Variants in DLG2 observed in about 807,000 individuals in gnomAD.
DLG2 encodes the protein disks large homolog 2.
DLG2 carries 45 observed loss-of-function variants against 132.5 expected under a neutral mutation model. The observed-to-expected ratio is 0.34, with a 90% CI of 0.27 to 0.44. The LOEUF (loss-of-function observed/expected upper bound fraction) is 0.44. DLG2 is among the 20% of genes least tolerant of loss of function. The pLI is 1.00. For synonymous variants in DLG2, 424 were observed against 419.6 expected (o/e 1.01, Z -0.13); for missense variants, 1,045 against 1,196.9 (o/e 0.87, Z 1.87).
intron 6 of DLG2, among the ~76,000 whole-genome samples, chr11:84,693,100 G>T (rs914756032): frequency 6.6e-6 from 1 of 151,654 alleles, no homozygotes; most frequent in Admixed American, 6.6e-5. Flanking sequence ...TTCTCAAATG[G>T]TCTGTGAATC....
chr11:84,674,528 A>G (rs1489930339), intron 6 of DLG2, among the ~76,000 whole-genome samples: 1 of 152,084 alleles, frequency 6.6e-6, no homozygotes, highest in African/African-American at 2.4e-5. Flanking sequence ...TTAGCTCCTT[A>G]TTAACTTATA....
At chr11:85,269,611 CT>C (rs1304753791) in intron 4 of DLG2, among the ~76,000 whole-genome samples, 3 of 152,176 alleles carry the variant, frequency 2.0e-5, no homozygotes, top group African/African-American at 7.2e-5. Context: ...ATGTAAGAAG[CT>C]TGGCATACTG....
chr11:85,609,014 G>T (rs1332568719), intron 2 of DLG2, among the ~76,000 whole-genome samples: 1 of 152,178 alleles, frequency 6.6e-6, no homozygotes, highest in Non-Finnish European at 1.5e-5. Flanking sequence ...GCCATCCCCA[G>T]TATGGATCCC....
rs962915280 is a variant in DLG2, at chr11:83,802,158, TA to T, written c.1723-15367del. 5.4e-5 allele frequency among the ~76,000 whole-genome samples: 8 copies of T among 149,434 alleles called. No homozygotes were observed. The South Asian group carries it at 8.5e-4, about 16-fold the overall frequency. Reference sequence around the variant, plus strand: ...ACATGCACCATTATGCCTCGCTAATTAAAAAAAAAATTGTAGAGCAACCAAT... The same window carrying T: ...ACATGCACCATTATGCCTCGCTAATTAAAAAAAAATTGTAGAGCAACCAAT... On this transcript the variant is annotated intron_variant, in intron 17 of 27. Coordinates refer to ENST00000376104, the MANE Select transcript of DLG2 (RefSeq NM_001142699.3).
chr11:83,966,610 T>C (rs1458837540), intron 12 of DLG2, among the ~76,000 whole-genome samples: 1 of 152,030 alleles, frequency 6.6e-6, no homozygotes, highest in African/African-American at 2.4e-5. Flanking sequence ...CGTATCTGGC[T>C]ACTATATAAA....
chr11:83,693,288 T>C (rs2081305711), intron 18 of DLG2, among the ~76,000 whole-genome samples: 1 of 152,070 alleles, frequency 6.6e-6, no homozygotes, highest in Admixed American at 6.6e-5. Context: ...TCTGGTGAAT[T>C]TGAGCATTAT....
rs528527915 is a variant in DLG2, at chr11:84,751,775, T to TAGC, written c.358-217047_358-217045dup. On this transcript the variant is annotated intron_variant, in intron 6 of 27. Transcript: ENST00000376104. ...CAATTGATCACAAGGCAGTAATGTGTAGCAATCTTATGTTTTAAAGTTGCC... is the reference window on the plus strand; with the variant it reads ...CAATTGATCACAAGGCAGTAATGTGTAGCAGCAATCTTATGTTTTAAAGTTGCC... 9.2e-5 allele frequency among the ~76,000 whole-genome samples: 14 copies of TAGC among 152,326 alleles called. No homozygotes were observed. In the East Asian group the frequency reaches 2.7e-3, roughly 29 times the overall value.
intron 3 of DLG2, among the ~76,000 whole-genome samples, chr11:85,351,453 T>C (rs1015496983): frequency 1.3e-5 from 2 of 152,206 alleles, no homozygotes; most frequent in South Asian, 2.1e-4. Flanking sequence ...CTATGTTGAA[T>C]AGGAGTGGTG....
At chr11:85,230,752 T>C (rs2075254703) in intron 4 of DLG2, among the ~76,000 whole-genome samples, 1 of 151,978 alleles carries the variant, frequency 6.6e-6, no homozygotes, top group Non-Finnish European at 1.5e-5. Flanking sequence ...AAATTCATAC[T>C]ACAACTTAAT....
intron 15 of DLG2, among the ~76,000 whole-genome samples, chr11:83,879,106 G>C (rs1052038660): frequency 2.0e-5 from 3 of 152,084 alleles, no homozygotes; most frequent in African/African-American, 7.2e-5. Context: ...AGAAATTTTT[G>C]AGCATCTGAA....
chr11:84,232,243 T>A (rs1022646552), intron 8 of DLG2, among the ~76,000 whole-genome samples: 1 of 152,110 alleles, frequency 6.6e-6, no homozygotes, highest in African/African-American at 2.4e-5. Context: ...TTTGCTTCAT[T>A]TTTTTCAGAG....
intron 7 of DLG2, among the ~76,000 whole-genome samples, chr11:84,471,569 A>G (rs1385972222): frequency 6.6e-6 from 1 of 151,698 alleles, no homozygotes; most frequent in Non-Finnish European, 1.5e-5. Context: ...GGAAAAGGGG[A>G]AAAGGAGTGA....
At chr11:83,704,617 G>A (rs1451545639) in intron 18 of DLG2, among the ~76,000 whole-genome samples, 1 of 141,762 alleles carries the variant, frequency 7.1e-6, no homozygotes, top group Non-Finnish European at 1.5e-5. Flanking sequence ...AGGAGTTCGA[G>A]ACCAGCCTGG....
At chr11:85,397,976 T>C (rs961675068) in intron 3 of DLG2, among the ~76,000 whole-genome samples, 10 of 152,176 alleles carry the variant, frequency 6.6e-5, no homozygotes, top group South Asian at 2.1e-4. Flanking sequence ...AGAATATACA[T>C]TGTTCTCAGC....
intron 14 of DLG2, among the ~76,000 whole-genome samples, chr11:83,943,160 T>C (rs1304297566): frequency 6.6e-6 from 1 of 152,190 alleles, no homozygotes; most frequent in African/African-American, 2.4e-5. Flanking sequence ...TTGCCCAGTC[T>C]TAGGTATGTC....
At chr11:85,399,724 C>G (rs933462833) in intron 3 of DLG2, among the ~76,000 whole-genome samples, 1 of 152,104 alleles carries the variant, frequency 6.6e-6, no homozygotes, top group Non-Finnish European at 1.5e-5. Flanking sequence ...AACTGGCTAA[C>G]CATATGTAGA....
At chr11:85,301,126 G>C (rs2079560404) in intron 3 of DLG2, among the ~76,000 whole-genome samples, 1 of 152,060 alleles carries the variant, frequency 6.6e-6, no homozygotes, top group African/African-American at 2.4e-5. Context: ...GCTTGAACCT[G>C]GGAGGCAGAG....
intron 6 of DLG2, among the ~76,000 whole-genome samples, chr11:85,022,791 A>G (rs756692348): frequency 1.1e-4 from 16 of 152,110 alleles, no homozygotes; most frequent in Non-Finnish European, 1.8e-4. Flanking sequence ...TTTCCAATCA[A>G]TACTTTAATC....
At chr11:83,734,880 AT>A (rs1364100566) in intron 18 of DLG2, among the ~76,000 whole-genome samples, 4 of 151,726 alleles carry the variant, frequency 2.6e-5, no homozygotes, top group African/African-American at 9.7e-5. Flanking sequence ...ATACATTAAT[AT>A]TATATATATA....
Sources: allele counts gnomAD v4.1 joint callset (sites outside exome capture counted in the v4.1 genomes callset), GRCh38; gene constraint gnomAD v4.1.1; transcripts MANE v1.5; gene names NCBI Gene and HGNC (gene_info 2026-07-23, HGNC 2026-07-21).